The following SYT1 variants were observed in gnomAD, a reference collection of about 807,000 sequenced individuals.
SYT1 encodes the protein synaptotagmin 1, also known as synaptotagmin-1.
A neutral mutation model predicts 44.8 loss-of-function variants in SYT1; 8 were observed. The observed-to-expected ratio is 0.18, with a 90% CI of 0.10 to 0.32. The LOEUF (loss-of-function observed/expected upper bound fraction) is 0.32, where lower values mean the gene tolerates loss of function less well. SYT1 is among the 10% of genes least tolerant of loss of function. SYT1 has a pLI of 1.00. For missense variants in SYT1, 286 were observed against 509.3 expected, an observed-to-expected ratio of 0.56 and a Z score of 4.22; for synonymous variants, 154 against 188.8, an observed-to-expected ratio of 0.82 and a Z score of 1.51.
At chr12:79,117,635 CTGTG>C (rs150343028) in intron 3 of SYT1, among the ~76,000 whole-genome samples, 1 of 112,196 alleles carries the variant, frequency 8.9e-6, no homozygotes, top group Non-Finnish European at 1.8e-5. Flanking sequence ...ACAGGACAGG[CTGTG>C]TGTGTGTGTG....
At chr12:79,308,611 AAAAAG>A (rs1880577445) in intron 8 of SYT1, among the ~76,000 whole-genome samples, 1 of 37,332 alleles carries the variant, frequency 2.7e-5, no homozygotes, top group Middle Eastern at 0.013. Context: ...AGAAAGAAAG[AAAAAG>A]AAAGAAAGAA....
At chr12:79,310,205 G>A (rs2138929728) in intron 8 of SYT1, among the ~76,000 whole-genome samples, 2 of 152,184 alleles carry the variant, frequency 1.3e-5, no homozygotes, top group African/African-American at 4.8e-5. Flanking sequence ...AAGGTGTAAG[G>A]AAGGGATCCA....
chr12:79,190,166 TTTC>T (rs1310836112), intron 3 of SYT1, among the ~76,000 whole-genome samples: 2 of 152,200 alleles, frequency 1.3e-5, no homozygotes, highest in African/African-American at 4.8e-5. Context: ...CTGATTTATA[TTTC>T]TTCTTTTCCG....
intron 5 of SYT1, among the ~76,000 whole-genome samples, chr12:79,287,423 A>G (rs1299847575): frequency 6.6e-6 from 1 of 152,174 alleles, no homozygotes; most frequent in East Asian, 1.9e-4. Flanking sequence ...CACACTTTTC[A>G]TAGCAAGCAG....
chr12:78,869,217 A>G (rs1362059314), intron 1 of SYT1, among the ~76,000 whole-genome samples: 7 of 151,964 alleles, frequency 4.6e-5, no homozygotes. Context: ...TTTCCAAAAA[A>G]AAAGATAACC....
At chr12:79,348,718 A>T (rs1047652426) in intron 8 of SYT1, among the ~76,000 whole-genome samples, 2 of 152,082 alleles carry the variant, frequency 1.3e-5, no homozygotes, top group Non-Finnish European at 2.9e-5. Flanking sequence ...ACCACAATGG[A>T]ACTGATGGTA....
At chr12:79,291,841 A>G in intron 5 of SYT1, 167 bp from the exon 6 acceptor site, 1 of 891,808 alleles carries the variant, frequency 1.1e-6, no homozygotes, top group South Asian at 1.4e-5. Flanking sequence ...GCACAAAAGG[A>G]ATTTAAAAAA....
At chr12:79,294,171 C>G (rs1879769696) in intron 6 of SYT1, among the ~76,000 whole-genome samples, 1 of 151,762 alleles carries the variant, frequency 6.6e-6, no homozygotes, top group Admixed American at 6.6e-5. Context: ...ATTATTAATA[C>G]TATAAGTATC....
chr12:79,021,647 A>T lies in SYT1; in HGVS notation c.-83-25650A>T, dbSNP rs151078865. Among the ~76,000 whole-genome samples, 211 of 151,932 alleles carry T rather than the reference A, an allele frequency of 1.4e-3. 2 individuals carry two copies. Among genetic ancestry groups the T allele is most frequent in the African/African-American group, 4.9e-3 (202 of 41,502 alleles). On this transcript the variant is annotated intron_variant, in intron 2 of 10. Coordinates refer to ENST00000261205, the MANE Select transcript of SYT1 (RefSeq NM_005639.3). ...AGGATGATCAGTTAACCCCTCCAAA[A>T]ATTATTTTAAAGATGAAAATTGCTG... is the stretch of plus-strand genomic sequence containing the variant.
At chr12:79,417,707 C>T (rs565671016) in intron 9 of SYT1, among the ~76,000 whole-genome samples, 1 of 152,258 alleles carries the variant, frequency 6.6e-6, no homozygotes, top group African/African-American at 2.4e-5. Flanking sequence ...CCCTATGCTC[C>T]AGCAGTAATA....
At chr12:79,258,428 A>C (rs1877650074) in intron 4 of SYT1, among the ~76,000 whole-genome samples, 1 of 152,184 alleles carries the variant, frequency 6.6e-6, no homozygotes, top group South Asian at 2.1e-4. Context: ...GTAAATGCTG[A>C]CCTACATTAA....
At chr12:78,872,025 A>G (rs527464622) in intron 1 of SYT1, among the ~76,000 whole-genome samples, 4 of 152,070 alleles carry the variant, frequency 2.6e-5, no homozygotes, top group African/African-American at 9.6e-5. Context: ...TTCTGTTAAA[A>G]GCTTAGTTAA....
At chr12:79,180,956 C>G (rs1872502647) in intron 3 of SYT1, among the ~76,000 whole-genome samples, 2 of 152,020 alleles carry the variant, frequency 1.3e-5, no homozygotes, top group South Asian at 4.2e-4. Flanking sequence ...CGAGTGAGTT[C>G]TCTCGAGAGC....
intron 8 of SYT1, among the ~76,000 whole-genome samples, chr12:79,327,941 G>T (rs753410537): frequency 2.5e-4 from 38 of 152,132 alleles, no homozygotes; most frequent in Non-Finnish European, 5.1e-4. Context: ...TGGCGTGAGG[G>T]GTAAGCCAGA....
chr12:78,884,363 CAT>C (rs573794752), intron 1 of SYT1, among the ~76,000 whole-genome samples: 559 of 151,564 alleles, frequency 3.7e-3, no homozygotes, highest in African/African-American at 0.013. Context: ...TTGTGTGAAA[CAT>C]GTTAATTTGA....
rs117169294 is a variant in SYT1 at position 79,081,008 on chromosome 12, T to C, written c.-18+33646T>C. ...GGGGATTTAGGTCATGCTGTAAAAC[T>C]CTTCAGATGGTATAGAGCTATATGT... On this transcript the variant is annotated intron_variant, in intron 3 of 10. Coordinates refer to ENST00000261205, the MANE Select transcript of SYT1 (RefSeq NM_005639.3). 2.0e-3 allele frequency among the ~76,000 whole-genome samples: 310 copies of C among 152,302 alleles called. 1 individual carries two copies. Among genetic ancestry groups the C allele is most frequent in the Non-Finnish European group, 3.5e-3 (236 of 68,020 alleles).
At chr12:79,337,957 T>C (rs1024247323) in intron 8 of SYT1, among the ~76,000 whole-genome samples, 57 of 152,204 alleles carry the variant, frequency 3.7e-4, no homozygotes, top group Non-Finnish European at 1.2e-4. Context: ...AAGTAGAATG[T>C]TTAAAATTGG....
intron 3 of SYT1, among the ~76,000 whole-genome samples, chr12:79,181,957 T>A (rs558898871): frequency 6.6e-6 from 1 of 152,138 alleles, no homozygotes; most frequent in Non-Finnish European, 1.5e-5. Flanking sequence ...CTATAAGTCA[T>A]CTCCGTTTTA....
intron 10 of SYT1, among the ~76,000 whole-genome samples, chr12:79,445,326 C>CT (rs1870647424): frequency 6.6e-6 from 1 of 151,942 alleles, no homozygotes; most frequent in African/African-American, 2.4e-5. Context: ...AGTCAATATC[C>CT]TACTTGTAGC....
Sources: allele counts gnomAD v4.1 joint callset (sites outside exome capture counted in the v4.1 genomes callset), GRCh38; gene constraint gnomAD v4.1.1; transcripts MANE v1.5; gene names NCBI Gene and HGNC (gene_info 2026-07-23, HGNC 2026-07-21).